The following SENP6 variants were observed in gnomAD, a reference collection of about 807,000 sequenced individuals.
SENP6 encodes the protein sentrin-specific protease 6.
A neutral mutation model predicts 134.5 loss-of-function variants in SENP6; 41 were observed. That is an observed-to-expected ratio of 0.30 (90% confidence interval 0.24 to 0.40). SENP6 has a LOEUF of 0.40. Ranked by LOEUF, SENP6 falls within the 10% of genes least tolerant of loss-of-function variation. The pLI is 1.00. For synonymous variants in SENP6, 395 were observed against 429.8 expected, an observed-to-expected ratio of 0.92 and a Z score of 1.00; for missense variants, 1,248 against 1,312.5, an observed-to-expected ratio of 0.95 and a Z score of 0.76.
chr6:75,656,213 C>CAA (rs5877459), intron 7 of SENP6, among the ~76,000 whole-genome samples: 2 of 108,774 alleles, frequency 1.8e-5, no homozygotes, highest in African/African-American at 6.8e-5. Flanking sequence ...GACTCCGTCT[C>CAA]AAAAAAAAAA....
chr6:75,664,633 C>A (rs985234424), intron 9 of SENP6, among the ~76,000 whole-genome samples: 1 of 152,022 alleles, frequency 6.6e-6, no homozygotes, highest in Non-Finnish European at 1.5e-5. Flanking sequence ...AATAAAAGAC[C>A]AGTGTTGAAA....
intron 19 of SENP6, among the ~76,000 whole-genome samples, chr6:75,705,583 G>C (rs1775335374): frequency 6.6e-6 from 1 of 151,780 alleles, no homozygotes; most frequent in Non-Finnish European, 1.5e-5. Flanking sequence ...TTAAAAACTA[G>C]TTTCTGTTCA....
intron 11 of SENP6, among the ~76,000 whole-genome samples, chr6:75,673,332 T>TTC (rs1387637733): frequency 6.8e-6 from 1 of 147,934 alleles, no homozygotes; most frequent in Non-Finnish European, 1.5e-5. Context: ...TTTTTTTTTT[T>TTC]TTTTTTTGAG....
At chr6:75,639,383 T>G (rs1241483789) in intron 5 of SENP6, among the ~76,000 whole-genome samples, 2 of 149,276 alleles carry the variant, frequency 1.3e-5, no homozygotes, top group Non-Finnish European at 2.9e-5. Flanking sequence ...TTTTGAAAAT[T>G]TTTTTTAAAT....
intron 7 of SENP6, among the ~76,000 whole-genome samples, chr6:75,650,946 T>C (rs1167225121): frequency 1.3e-5 from 2 of 152,332 alleles, no homozygotes; most frequent in South Asian, 2.1e-4. Flanking sequence ...CTCTTTGCCT[T>C]CTTTATTTTG....
intron 7 of SENP6, among the ~76,000 whole-genome samples, chr6:75,649,263 C>T (rs180846702): frequency 4.4e-4 from 67 of 151,944 alleles, no homozygotes; most frequent in African/African-American, 1.6e-3. Flanking sequence ...TGCAGTGAGC[C>T]GAGATCGCAT....
intron 7 of SENP6, among the ~76,000 whole-genome samples, chr6:75,648,032 G>A (rs986595095): frequency 6.6e-6 from 1 of 152,120 alleles, no homozygotes; most frequent in African/African-American, 2.4e-5. Flanking sequence ...TAGCATTTTT[G>A]CTATGTTACA....
At chr6:75,695,651 C>G (rs1007517683) in intron 16 of SENP6, among the ~76,000 whole-genome samples, 153 bp from the exon 17 acceptor site, 1 of 152,172 alleles carries the variant, frequency 6.6e-6, no homozygotes, top group African/African-American at 2.4e-5. Context: ...GCAGGAGAAT[C>G]ACTTGAACCC....
intron 16 of SENP6, 21 bp from the exon 17 acceptor site, chr6:75,695,783 G>A (rs994033744): frequency 6.5e-7 from 1 of 1,532,114 alleles, no homozygotes; most frequent in African/African-American, 1.4e-5. Context: ...AATTATATTT[G>A]AATTATTTTC....
Position 75,633,637 on chromosome 6 carries a change from A to T in SENP6, c.264A>T (p.Thr88=). ...ANSSGEFILK[T]YVRRNKSESF... is the part of the protein sequence containing the mutation. ...GCTCTGGTGAATTCATCTTGAAGAC[A>T]TATGTAAGACGAAACAAGTCTGAAA... The change falls in exon 4 of 24, where the codon ACA becomes ACT. Residue 88 remains threonine, a synonymous_variant. Coordinates refer to ENST00000447266, the MANE Select transcript of SENP6 (RefSeq NM_015571.4). The T allele has an allele frequency of 6.2e-7, 1 of 1,611,670 alleles. No homozygotes were observed. The highest frequency in any genetic ancestry group is 8.5e-7 in the Non-Finnish European group (1 of 1,178,932).
At chr6:75,659,483 C>T in intron 8 of SENP6, 76 bp downstream of exon 8, 1 of 1,345,084 alleles carries the variant, frequency 7.4e-7, no homozygotes, top group South Asian at 1.3e-5. Context: ...TTATTAAATT[C>T]TAGGTGATCT....
chr6:75,642,028 C>G (rs1225025015), intron 6 of SENP6, among the ~76,000 whole-genome samples: 2 of 152,134 alleles, frequency 1.3e-5, no homozygotes, highest in South Asian at 2.1e-4. Flanking sequence ...GGCATGGTGG[C>G]CAGTGCTTCA....
chr6:75,601,911 G>C lies in SENP6; in HGVS notation c.-614G>C, dbSNP rs1206070369. 1.3e-5 allele frequency: 2 copies of C among 152,124 alleles called. No homozygotes were observed. Among genetic ancestry groups the C allele is most frequent in the Admixed American group, 6.6e-5 (1 of 15,266 alleles). 9.4% of individuals were successfully genotyped at this position (152,124 alleles called of 1,614,324 possible). ...GGCGGCTGGAGCTGCTGTGGCGACCGACGCGAGGCGGTGGCAGAGGAGACC... is the reference window on the plus strand; with the variant it reads ...GGCGGCTGGAGCTGCTGTGGCGACCCACGCGAGGCGGTGGCAGAGGAGACC... On this transcript the variant is annotated 5_prime_UTR_variant, in exon 1 of 24. Transcript: ENST00000447266.
rs1050439300 is a variant in SENP6 at position 75,601,989 on chromosome 6, T to G, written c.-536T>G. On this transcript the variant is annotated 5_prime_UTR_variant, in exon 1 of 24. Transcript: ENST00000447266. ...AGGCCTCCGCTGATGCATTCACGCC[T>G]GGGCGGGGTGGGCGGACGGCCGTAG... The G allele has an allele frequency of 6.5e-6, 1 of 153,582 alleles. No homozygotes were observed. The highest frequency in any genetic ancestry group is 2.4e-5 in the African/African-American group (1 of 41,396). The allele number at this position is 153,582 out of a possible 1,614,324, so 9.5% of individuals were successfully genotyped here.
intron 16 of SENP6, among the ~76,000 whole-genome samples, chr6:75,691,288 G>A (rs898809898): frequency 6.6e-6 from 1 of 151,822 alleles, no homozygotes; most frequent in Admixed American, 6.6e-5. Context: ...GACTACATGT[G>A]CGAGCTACCA....
chr6:75,650,526 G>A (rs1023345086), intron 7 of SENP6, among the ~76,000 whole-genome samples: 1 of 152,040 alleles, frequency 6.6e-6, no homozygotes, highest in Non-Finnish European at 1.5e-5. Flanking sequence ...ATTGGAAATC[G>A]TCTGTAGGGA....
chr6:75,662,274 G>A (rs1469319444), intron 8 of SENP6, among the ~76,000 whole-genome samples: 2 of 152,012 alleles, frequency 1.3e-5, no homozygotes, highest in Admixed American at 6.6e-5. Context: ...CAGGGAATGA[G>A]ATTTTAATCA....
intron 19 of SENP6, among the ~76,000 whole-genome samples, chr6:75,703,897 T>G (rs1305723180): frequency 6.6e-6 from 1 of 152,186 alleles, no homozygotes; most frequent in Admixed American, 6.5e-5. Context: ...ATATTTTCCA[T>G]TTATTGGAAC....
chr6:75,603,533 C>T (rs1766799294), intron 1 of SENP6, among the ~76,000 whole-genome samples: 2 of 152,164 alleles, frequency 1.3e-5, no homozygotes, highest in African/African-American at 2.4e-5. Flanking sequence ...AGATGATTTT[C>T]ATTGCAATAT....
Sources: gnomAD v4.1 joint callset for allele counts (sites outside exome capture counted in the v4.1 genomes callset) on GRCh38, gnomAD v4.1.1 for gene constraint, MANE v1.5 for transcripts, NCBI Gene and HGNC (gene_info 2026-07-23, HGNC 2026-07-21) for gene names.